Variants in SLC4A4 observed in about 807,000 individuals in gnomAD.
SLC4A4 encodes solute carrier family 4 member 4, also known as electrogenic sodium bicarbonate cotransporter 1.
SLC4A4 carries 27 observed loss-of-function variants against 111.5 expected under a neutral mutation model. The observed-to-expected ratio is 0.24, with a 90% CI of 0.18 to 0.33. The LOEUF (loss-of-function observed/expected upper bound fraction) is 0.33. Ranked by LOEUF, SLC4A4 falls within the 10% of genes least tolerant of loss-of-function variation. The probability of loss-of-function intolerance (pLI) is 1.00; values close to 1 mark genes in which losing one functional copy is unlikely to be tolerated. For missense variants in SLC4A4, 909 were observed against 1,315.5 expected (o/e 0.69, Z 4.78); for synonymous variants, 443 against 463.4 (o/e 0.96, Z 0.57).
Position 71,147,379 on chromosome 4 carries a change from A to C in SLC4A4, c.-2+54587A>C, listed in dbSNP as rs561245881. Among the ~76,000 whole-genome samples, 5 of 151,646 alleles carry C rather than the reference A, an allele frequency of 3.3e-5. 1 individual carries two copies. The South Asian group carries it at 1.0e-3, about 32-fold the overall frequency. ...CTCACCTCTGTCTGCCTTTTTCCCA[A>C]CTCTCCTTGGAGGTGGTGGTTCATG... On this transcript the variant is annotated intron_variant, in intron 2 of 26. Coordinates refer to the SLC4A4 transcript ENST00000649996.
At chr4:71,118,589 G>T (rs1290518168) in intron 2 of SLC4A4, among the ~76,000 whole-genome samples, 1 of 151,752 alleles carries the variant, frequency 6.6e-6, no homozygotes, top group Non-Finnish European at 1.5e-5. Flanking sequence ...TTACTTGAAG[G>T]TCTATTTGTA....
At chr4:71,178,847 C>A (rs1745186978) in intron 2 of SLC4A4, among the ~76,000 whole-genome samples, 1 of 152,228 alleles carries the variant, frequency 6.6e-6, no homozygotes, top group South Asian at 2.1e-4. Flanking sequence ...CTCCCTAACT[C>A]ATTTTATGAG....
intron 6 of SLC4A4, among the ~76,000 whole-genome samples, chr4:71,372,409 T>C (rs1731975717): frequency 6.6e-6 from 1 of 152,216 alleles, no homozygotes; most frequent in African/African-American, 2.4e-5. Flanking sequence ...GAAGCTACTT[T>C]TCAGGACAAG....
chr4:71,525,886 A>G (rs535197265), intron 16 of SLC4A4, among the ~76,000 whole-genome samples: 2 of 152,238 alleles, frequency 1.3e-5, no homozygotes, highest in South Asian at 4.1e-4. Context: ...GGGAAAACAA[A>G]TGATGAAAGA....
chr4:71,141,958 G>A (rs1744009524), intron 2 of SLC4A4, among the ~76,000 whole-genome samples: 1 of 152,188 alleles, frequency 6.6e-6, no homozygotes, highest in African/African-American at 2.4e-5. Context: ...TAATTGAAAG[G>A]CTGGCCCTAC....
At chr4:71,505,865 G>T (rs1237531852) in intron 16 of SLC4A4, among the ~76,000 whole-genome samples, 3 of 152,024 alleles carry the variant, frequency 2.0e-5, no homozygotes, top group Admixed American at 6.6e-5. Flanking sequence ...GTTAATTTTT[G>T]TATATGGTAT....
intron 7 of SLC4A4, among the ~76,000 whole-genome samples, chr4:71,417,960 G>A (rs140948729): frequency 8.5e-4 from 129 of 152,260 alleles, no homozygotes; most frequent in African/African-American, 2.8e-3. Flanking sequence ...GTAAAATGAT[G>A]TAATAATACA....
chr4:71,138,421 G>A (rs180688178), intron 2 of SLC4A4, among the ~76,000 whole-genome samples: 20 of 152,200 alleles, frequency 1.3e-4, no homozygotes, highest in African/African-American at 4.1e-4. Flanking sequence ...AGAGCCTATG[G>A]GAAAGAACTT....
At chr4:71,468,855 A>C (rs1428379968) in intron 13 of SLC4A4, among the ~76,000 whole-genome samples, 1 of 151,988 alleles carries the variant, frequency 6.6e-6, no homozygotes, top group Non-Finnish European at 1.5e-5. Context: ...CCTTCAGTTA[A>C]GAACTATTTT....
At chr4:71,268,075 GT>G (rs10657146) in intron 3 of SLC4A4, among the ~76,000 whole-genome samples, 351 of 87,566 alleles carry the variant, frequency 4.0e-3, no homozygotes, top group African/African-American at 0.014. Context: ...ATAAAGTAGT[GT>G]TTTTTTTTTT....
intron 2 of SLC4A4, among the ~76,000 whole-genome samples, chr4:71,244,745 A>G (rs1016304287): frequency 5.3e-5 from 8 of 149,554 alleles, no homozygotes; most frequent in African/African-American, 1.5e-4. Flanking sequence ...AACTCTTCTT[A>G]CTAAATTTAA....
intron 7 of SLC4A4, among the ~76,000 whole-genome samples, chr4:71,419,175 G>A (rs544559384): frequency 1.7e-4 from 26 of 152,252 alleles, no homozygotes; most frequent in Admixed American, 2.6e-4. Flanking sequence ...CAGTCTGCCC[G>A]TTCTCAGATC....
intron 1 of SLC4A4, among the ~76,000 whole-genome samples, chr4:71,235,706 A>G (rs1719751418): frequency 6.6e-6 from 1 of 152,230 alleles, no homozygotes; most frequent in Non-Finnish European, 1.5e-5. Context: ...GGCCCTAAAA[A>G]CGCTGTCATT....
intron 2 of SLC4A4, among the ~76,000 whole-genome samples, chr4:71,129,719 A>ATT (rs1743651565): frequency 6.6e-6 from 1 of 151,548 alleles, no homozygotes; most frequent in African/African-American, 2.4e-5. Flanking sequence ...ATCAACCCAA[A>ATT]TGCCCATCAG....
intron 6 of SLC4A4, among the ~76,000 whole-genome samples, chr4:71,380,037 TA>T (rs1254144176): frequency 6.6e-6 from 1 of 152,194 alleles, no homozygotes; most frequent in Non-Finnish European, 1.5e-5. Context: ...TGAGGTAACG[TA>T]AACCTAGAGC....
intron 12 of SLC4A4, among the ~76,000 whole-genome samples, chr4:71,464,511 G>A (rs921311968): frequency 6.6e-6 from 1 of 152,172 alleles, no homozygotes; most frequent in African/African-American, 2.4e-5. Context: ...CTTCAGCCAT[G>A]TGCTGGACCT....
intron 1 of SLC4A4, among the ~76,000 whole-genome samples, chr4:71,080,205 C>A (rs904300475): frequency 6.6e-6 from 1 of 152,070 alleles, no homozygotes; most frequent in African/African-American, 2.4e-5. Flanking sequence ...TCTGTCACTG[C>A]GACGCTATGT....
intron 1 of SLC4A4, among the ~76,000 whole-genome samples, chr4:71,067,503 G>C (rs1486622238): frequency 6.6e-6 from 1 of 152,114 alleles, no homozygotes; most frequent in African/African-American, 2.4e-5. Context: ...TGAAGCCATA[G>C]TTCATTATTT....
intron 6 of SLC4A4, among the ~76,000 whole-genome samples, chr4:71,376,087 A>G (rs1389459455): frequency 6.7e-6 from 1 of 149,680 alleles, no homozygotes; most frequent in Non-Finnish European, 1.5e-5. Flanking sequence ...ATATATATAC[A>G]TATATACGTG....
Sources: gnomAD v4.1 joint callset for allele counts (sites outside exome capture counted in the v4.1 genomes callset) on GRCh38, gnomAD v4.1.1 for gene constraint, MANE v1.5 for transcripts, NCBI Gene and HGNC (gene_info 2026-07-23, HGNC 2026-07-21) for gene names.